The following MSR1 variants were observed in gnomAD, a reference collection of about 807,000 sequenced individuals.
The protein encoded by MSR1 is macrophage scavenger receptor 1, also known as macrophage scavenger receptor types I and II.
MSR1 carries 53 observed loss-of-function variants against 47.2 expected under a neutral mutation model. The ratio of observed to expected loss-of-function variants is 1.12; its 90% CI spans 0.90 to 1.41. MSR1 has a LOEUF of 1.41. MSR1 is among the 40% of genes most tolerant of loss of function. The pLI is 0.00. For synonymous variants in MSR1, 239 were observed against 185.6 expected, an observed-to-expected ratio of 1.29 and a Z score of -2.34; for missense variants, 786 against 546.9, an observed-to-expected ratio of 1.44 and a Z score of -4.36.
intron 7 of MSR1, among the ~76,000 whole-genome samples, chr8:16,146,545 T>C (rs993906784): frequency 6.6e-6 from 1 of 152,142 alleles, no homozygotes; most frequent in African/African-American, 2.4e-5. Context: ...GAATCTGCTC[T>C]GAACAATGGC....
chr8:16,162,420 A>T (rs990387645), intron 5 of MSR1, among the ~76,000 whole-genome samples: 1 of 152,128 alleles, frequency 6.6e-6, no homozygotes, highest in South Asian at 2.1e-4. Flanking sequence ...AAATAATCCC[A>T]GAAGAAATGC....
intron 8 of MSR1, among the ~76,000 whole-genome samples, chr8:16,138,649 C>T (rs1800450367): frequency 6.6e-6 from 1 of 152,202 alleles, no homozygotes; most frequent in African/African-American, 2.4e-5. Flanking sequence ...TGATGTAGAC[C>T]AAGGTCTGCT....
chr8:16,176,249 G>C (rs145436523), intron 2 of MSR1, among the ~76,000 whole-genome samples: 41 of 152,314 alleles, frequency 2.7e-4, no homozygotes, highest in African/African-American at 9.6e-4. Context: ...GCTCACGCCT[G>C]TAATCCCAGC....
intron 4 of MSR1, among the ~76,000 whole-genome samples, chr8:16,166,341 T>G (rs1758640787): frequency 6.6e-6 from 1 of 151,202 alleles, no homozygotes; most frequent in African/African-American, 2.4e-5. Context: ...TTTTTTTAAT[T>G]TTGTAGAGAT....
rs192607149 is a variant in MSR1 at position 16,118,329 on chromosome 8, C to T, written c.1222+2089G>A. Among the ~76,000 whole-genome samples, 65 of 152,254 alleles carry T rather than the reference C, an allele frequency of 4.3e-4. 1 individual carries two copies. Among genetic ancestry groups the T allele is most frequent in the African/African-American group, 1.5e-3 (64 of 41,554 alleles). ...CTATTAGAACTGTGGGTGTCCCCTT[C>T]ATAGATGGTAACAGTCACTTGAAAT... On this transcript the variant is annotated intron_variant, in intron 9 of 9. Coordinates refer to ENST00000262101, the MANE Select transcript of MSR1 (RefSeq NM_138715.3).
At chr8:16,165,875 T>A (rs1423204784) in intron 4 of MSR1, among the ~76,000 whole-genome samples, 1 of 152,124 alleles carries the variant, frequency 6.6e-6, no homozygotes, top group African/African-American at 2.4e-5. Context: ...TATTCTAGAT[T>A]AGAATTTCTC....
rs768543033 is a variant in MSR1 at position 16,178,000 on chromosome 8, A to G, written c.-4-8T>C. On this transcript the variant is annotated splice_polypyrimidine_tract_variant and splice_region_variant and intron_variant, in intron 1 of 9. Coordinates refer to ENST00000262101, the MANE Select transcript of MSR1 (RefSeq NM_138715.3). Reference sequence around the variant, plus strand: ...TCCCACTGCTCCATACTTCTATGAAACAAAATGGAAAAATATATTAATTCC... The same window carrying G: ...TCCCACTGCTCCATACTTCTATGAAGCAAAATGGAAAAATATATTAATTCC... 5.0e-6 allele frequency: 8 copies of G among 1,602,832 alleles called. No homozygotes were observed. In the Admixed American group the frequency reaches 1.3e-4, roughly 27 times the overall value.
At position 16,189,526 on chromosome 8, in the gene MSR1, TA is replaced by T. The variant is rs1177659261; in HGVS notation, c.-5+3071del. ...ATATATTTTTATATATAAAAAATCA[TA>T]TTTTATATATATTTTATATATTTTA... On this transcript the variant is annotated intron_variant, in intron 1 of 9. Transcript: ENST00000262101. 3.1e-5 allele frequency among the ~76,000 whole-genome samples: 3 copies of T among 97,160 alleles called. 1 individual carries two copies. The highest frequency in any genetic ancestry group is 1.6e-4 in the African/African-American group (3 of 18,344). 63.7% of individuals were successfully genotyped at this position (97,160 alleles called of 152,430 possible). A position where few individuals can be genotyped will look rare whatever the true frequency, so the allele number is the denominator to read the frequency against.
chr8:16,127,135 C>G (rs1202540108), intron 8 of MSR1, among the ~76,000 whole-genome samples: 1 of 151,894 alleles, frequency 6.6e-6, no homozygotes, highest in African/African-American at 2.4e-5. Context: ...CTTCAGAATC[C>G]CAAGGAGAAC....
chr8:16,151,661 T>C (rs1800863896), intron 6 of MSR1, among the ~76,000 whole-genome samples: 2 of 152,156 alleles, frequency 1.3e-5, no homozygotes, highest in South Asian at 2.1e-4. Context: ...ATCTCAGCCA[T>C]GGGATGTTCA....
chr8:16,116,805 T>A (rs1799885741), intron 9 of MSR1, among the ~76,000 whole-genome samples: 1 of 152,148 alleles, frequency 6.6e-6, no homozygotes, highest in East Asian at 1.9e-4. Flanking sequence ...CACCTATGTT[T>A]GTAACTCCAG....
chr8:16,135,984 G>C (rs1800379841), intron 8 of MSR1, among the ~76,000 whole-genome samples: 2 of 151,838 alleles, frequency 1.3e-5, no homozygotes, highest in Admixed American at 6.6e-5. Context: ...GCTTCTTATG[G>C]ATGAGCAAAG....
intron 8 of MSR1, among the ~76,000 whole-genome samples, chr8:16,132,586 C>A (rs1800287176): frequency 6.6e-6 from 1 of 152,070 alleles, no homozygotes; most frequent in Non-Finnish European, 1.5e-5. Context: ...CTCCCAGGTT[C>A]AAGTGATTCT....
chr8:16,167,658 T>C (rs1468621923), intron 4 of MSR1, among the ~76,000 whole-genome samples: 1 of 152,232 alleles, frequency 6.6e-6, no homozygotes, highest in Non-Finnish European at 1.5e-5. Context: ...CTTCCCTCTG[T>C]CCTTACCTCA....
At chr8:16,176,205 A>G (rs1182008974) in intron 2 of MSR1, among the ~76,000 whole-genome samples, 1 of 152,200 alleles carries the variant, frequency 6.6e-6, no homozygotes, top group Admixed American at 6.5e-5. Flanking sequence ...ACAGTTTTTA[A>G]AAAGTAAAGA....
chr8:16,178,065 C>T lies in MSR1; in HGVS notation c.-4-73G>A, dbSNP rs1031057984. ...GGGCTCTTTTGCATAATGTTTTAAACTGAAATTTCAGTTTGAAATGGAATC... is the reference window on the plus strand; with the variant it reads ...GGGCTCTTTTGCATAATGTTTTAAATTGAAATTTCAGTTTGAAATGGAATC... On this transcript the variant is annotated intron_variant, in intron 1 of 9. Transcript: ENST00000262101. 8 of 1,189,608 alleles carry T rather than the reference C, an allele frequency of 6.7e-6. No individual in the cohort carries two copies. The African/African-American group carries it at 9.1e-5, about 14-fold the overall frequency. 73.7% of individuals were successfully genotyped at this position (1,189,608 alleles called of 1,614,324 possible).
chr8:16,191,343 G>T (rs558347537), intron 1 of MSR1, among the ~76,000 whole-genome samples: 1 of 152,182 alleles, frequency 6.6e-6, no homozygotes, highest in East Asian at 1.9e-4. Flanking sequence ...ACATCATTTA[G>T]CTGTGTGATC....
chr8:16,110,514 G>C (rs867309074), intron 9 of MSR1, among the ~76,000 whole-genome samples: 12 of 152,004 alleles, frequency 7.9e-5, no homozygotes, highest in Admixed American at 3.3e-4. Context: ...TGACAAATTA[G>C]TTTTATTATT....
At chr8:16,134,580 C>T (rs1800344813) in intron 8 of MSR1, among the ~76,000 whole-genome samples, 1 of 152,054 alleles carries the variant, frequency 6.6e-6, no homozygotes. Context: ...TGAGACACAG[C>T]AATATTGAAA....
Sources: gnomAD v4.1 joint callset for allele counts (sites outside exome capture counted in the v4.1 genomes callset) on GRCh38, gnomAD v4.1.1 for gene constraint, MANE v1.5 for transcripts, NCBI Gene and HGNC (gene_info 2026-07-23, HGNC 2026-07-21) for gene names.